ADAMTS14: variants seen among roughly 807,000 people sequenced by gnomAD.
The protein encoded by ADAMTS14 is A disintegrin and metalloproteinase with thrombospondin motifs 14.
ADAMTS14 carries 100 observed loss-of-function variants against 128.6 expected under a neutral mutation model. That is an observed-to-expected ratio of 0.78 (90% CI 0.66 to 0.92). ADAMTS14 has a LOEUF of 0.92. ADAMTS14 is among the 40% of genes least tolerant of loss of function. ADAMTS14 has a pLI of 0.00. For synonymous variants in ADAMTS14, 665 were observed against 653.8 expected (o/e 1.02, Z -0.26); for missense variants, 1,562 against 1,658.6 (o/e 0.94, Z 1.01).
chr10:70,688,338 C>T lies in ADAMTS14; in HGVS notation c.522+13343C>T, dbSNP rs1396310829. The stretch of plus-strand genomic sequence containing the variant: ...GGCTGGGAAGAGGCGCTCCTCACTT[C>T]CTAGATGGGATGGCCGCCGGGCAGA... On this transcript the variant is annotated intron_variant, in intron 2 of 21. Coordinates refer to ENST00000373207, the MANE Select transcript of ADAMTS14 (RefSeq NM_080722.4). 5.2e-5 allele frequency among the ~76,000 whole-genome samples: 5 copies of T among 96,210 alleles called. 1 individual carries two copies. The highest frequency in any genetic ancestry group is 1.1e-4 in the Admixed American group (1 of 8,902). The allele number at this position is 96,210 out of a possible 152,430, so 63.1% of individuals were successfully genotyped here. A position where few individuals can be genotyped will look rare whatever the true frequency, so the allele number is the denominator to read the frequency against.
At chr10:70,686,430 C>G (rs1359824278) in intron 2 of ADAMTS14, among the ~76,000 whole-genome samples, 2 of 110,482 alleles carry the variant, frequency 1.8e-5, no homozygotes, top group African/African-American at 6.9e-5. Flanking sequence ...GAGGACCCTG[C>G]GGCCTTCCGC....
chr10:70,714,946 CAA>C (rs58012076), intron 4 of ADAMTS14, among the ~76,000 whole-genome samples: 39 of 63,052 alleles, frequency 6.2e-4, no homozygotes, highest in South Asian at 3.1e-3. Context: ...ACTGCAGTCT[CAA>C]AAAAAAAAAA....
chr10:70,735,136 A>G (rs781154805), intron 8 of ADAMTS14, 33 bp from the exon 9 acceptor site: 1 of 1,596,960 alleles, frequency 6.3e-7, no homozygotes, highest in Non-Finnish European at 8.6e-7. Flanking sequence ...TCCTGCTGTC[A>G]GCCTGGCTCA....
chr10:70,674,958 C>T lies in ADAMTS14; in HGVS notation c.485C>T (p.Pro162Leu). ...CVYTGGVTGM[P>L]GAAVAISNCD... ...TACACTGGAGGTGTCACTGGAATGCCTGGGGCAGCTGTTGCCATCAGCAAC... is the reference window on the plus strand; with the variant it reads ...TACACTGGAGGTGTCACTGGAATGCTTGGGGCAGCTGTTGCCATCAGCAAC... Residue 162 changes from proline (P) to leucine (L), a missense_variant, in exon 2 of 22, where the codon CCT becomes CTT. By Grantham distance (98) the Pro-to-Leu change is moderately conservative. Transcript: ENST00000373207. 1 of 1,613,066 alleles carries T rather than the reference C, an allele frequency of 6.2e-7. No homozygotes were observed. The highest frequency in any genetic ancestry group is 8.5e-7 in the Non-Finnish European group (1 of 1,180,012).
chr10:70,752,027 C>T, intron 17 of ADAMTS14, 68 bp from the exon 18 acceptor site: 7 of 1,560,298 alleles, frequency 4.5e-6, no homozygotes, highest in Non-Finnish European at 6.1e-6. Context: ...GGTACTGCCC[C>T]TGAGGCCCCA....
chr10:70,672,833 C>A lies in ADAMTS14; in HGVS notation c.31C>A (p.Leu11Met). The change falls in exon 1 of 22, where the codon CTG becomes ATG. Residue 11 changes from leucine to methionine, a missense_variant. Coordinates refer to ENST00000373207, the MANE Select transcript of ADAMTS14 (RefSeq NM_080722.4). Reference sequence around the variant, plus strand: ...TCCACTCCGCGCGCTGCTGTCCTACCTGCTGCCTTTGCACTGTGCGCTCTG... The same window carrying A: ...TCCACTCCGCGCGCTGCTGTCCTACATGCTGCCTTTGCACTGTGCGCTCTG... MAPLRALLSY[L>M]LPLHCALCAA... 6.6e-7 allele frequency: 1 copy of A among 1,517,892 alleles called. No homozygotes were observed. Among genetic ancestry groups the A allele is most frequent in the African/African-American group, 1.4e-5 (1 of 69,436 alleles). 94.0% of individuals were successfully genotyped at this position (1,517,892 alleles called of 1,614,324 possible).
chr10:70,692,807 T>C (rs1391257066), intron 2 of ADAMTS14, among the ~76,000 whole-genome samples: 1 of 152,242 alleles, frequency 6.6e-6, no homozygotes, highest in Non-Finnish European at 1.5e-5. Context: ...TAAGGACTTT[T>C]CCCCTTAGGA....
Position 70,758,294 on chromosome 10 carries a change from A to C in ADAMTS14, c.3178+9A>C. The C allele has an allele frequency of 6.2e-7, 1 of 1,612,474 alleles. No homozygotes were observed. The highest frequency in any genetic ancestry group is 8.5e-7 in the Non-Finnish European group (1 of 1,178,944). On this transcript the variant is annotated intron_variant, in intron 21 of 21. Coordinates refer to ENST00000373207, the MANE Select transcript of ADAMTS14 (RefSeq NM_080722.4). ...TAACAAGATATCATCAAGTAAGTAC[A>C]GTCTATGGACCCTACCCTGCTCCCC...
intron 16 of ADAMTS14, among the ~76,000 whole-genome samples, chr10:70,750,511 A>T (rs767529042): frequency 1.5e-4 from 23 of 152,174 alleles, no homozygotes; most frequent in Admixed American, 9.8e-4. Context: ...GACCATTAGG[A>T]GTTCTGTCCA....
chr10:70,734,164 A>G lies in ADAMTS14; in HGVS notation c.1352+136A>G, dbSNP rs576150805. On this transcript the variant is annotated intron_variant, in intron 8 of 21. Coordinates refer to ENST00000373207, the MANE Select transcript of ADAMTS14 (RefSeq NM_080722.4). Reference sequence around the variant, plus strand: ...CCGTGACTCATCTCGCCTCCCCGCCAAACCTGGCCTAAAACATACCCCATT... The same window carrying G: ...CCGTGACTCATCTCGCCTCCCCGCCGAACCTGGCCTAAAACATACCCCATT... 1.6e-4 allele frequency: 190 copies of G among 1,186,456 alleles called. 1 individual carries two copies. In the South Asian group the frequency reaches 1.9e-3, roughly 12 times the overall value. The allele number at this position is 1,186,456 out of a possible 1,614,324, so 73.5% of individuals were successfully genotyped here. A position where few individuals can be genotyped will look rare whatever the true frequency, so the allele number is the denominator to read the frequency against.
At position 70,674,783 on chromosome 10, in the gene ADAMTS14, C is replaced by T. The variant is rs1459952465; in HGVS notation, c.310C>T (p.His104Tyr). 2 of 1,613,562 alleles carry T rather than the reference C, an allele frequency of 1.2e-6. No homozygotes were observed. Among genetic ancestry groups the T allele is most frequent in the Non-Finnish European group, 1.7e-6 (2 of 1,180,012 alleles). Residue 104 changes from histidine to tyrosine, a missense_variant, in exon 2 of 22, where the codon CAC becomes TAC. Transcript: ENST00000373207. The stretch of plus-strand genomic sequence containing the variant: ...CCTGTGGCCTGGCAGGGTGGGGCGC[C>T]ACTCCCTCTACTTCAATGTCACTGT... ...GTLWPGRVGR[H>Y]SLYFNVTVFG...
chr10:70,746,908 A>C (rs1842196475), intron 15 of ADAMTS14, among the ~76,000 whole-genome samples: 1 of 152,088 alleles, frequency 6.6e-6, no homozygotes, highest in Admixed American at 6.5e-5. Flanking sequence ...ACCCCTTTGC[A>C]GAGGACGTGC....
chr10:70,733,804 G>T, intron 7 of ADAMTS14, 81 bp from the exon 8 acceptor site: 1 of 1,536,034 alleles, frequency 6.5e-7, no homozygotes, highest in South Asian at 1.3e-5. Flanking sequence ...AGGGTCTCCT[G>T]CTGCTGGCCT....
At chr10:70,758,388 T>C in intron 21 of ADAMTS14, 103 bp downstream of exon 21, 1 of 1,014,584 alleles carries the variant, frequency 9.9e-7, no homozygotes, top group East Asian at 2.7e-5. Context: ...TGTAGCTGTC[T>C]GTGTGACCTT....
chr10:70,698,173 A>G (rs994107790), intron 2 of ADAMTS14, among the ~76,000 whole-genome samples: 3 of 152,222 alleles, frequency 2.0e-5, no homozygotes, highest in Non-Finnish European at 2.9e-5. Context: ...AGAATAAGAT[A>G]TAGTTGGAAA....
chr10:70,681,051 C>T (rs1483794329), intron 2 of ADAMTS14, among the ~76,000 whole-genome samples: 2 of 152,228 alleles, frequency 1.3e-5, no homozygotes, highest in Non-Finnish European at 2.9e-5. Context: ...CTGACTGGCC[C>T]TTGGCCAAGT....
rs534345421 is a variant in ADAMTS14, at chr10:70,711,373, G to A, written c.870+2595G>A. On this transcript the variant is annotated intron_variant, in intron 4 of 21. Coordinates refer to ENST00000373207, the MANE Select transcript of ADAMTS14 (RefSeq NM_080722.4). ...ACCTGGGTCACGTGCCACTCTTTGG[G>A]ATGATCACTACACGTTAGAGAGGGA... Among the ~76,000 whole-genome samples, 219 of 152,356 alleles carry A rather than the reference G, an allele frequency of 1.4e-3. 1 individual carries two copies. Among genetic ancestry groups the A allele is most frequent in the Non-Finnish European group, 2.6e-3 (177 of 68,044 alleles).
At chr10:70,701,715 A>G (rs1296312090) in intron 2 of ADAMTS14, among the ~76,000 whole-genome samples, 1 of 152,168 alleles carries the variant, frequency 6.6e-6, no homozygotes, top group Non-Finnish European at 1.5e-5. Flanking sequence ...AAAAACATGC[A>G]TTCCTGGCTC....
chr10:70,734,731 C>G (rs1397939842), intron 8 of ADAMTS14, among the ~76,000 whole-genome samples: 1 of 152,188 alleles, frequency 6.6e-6, no homozygotes, highest in Non-Finnish European at 1.5e-5. Context: ...GATATAGTCA[C>G]TAGCCCCGTA....
Sources: allele counts gnomAD v4.1 joint callset (sites outside exome capture counted in the v4.1 genomes callset), GRCh38; gene constraint gnomAD v4.1.1; transcripts MANE v1.5; gene names NCBI Gene and HGNC (gene_info 2026-07-23, HGNC 2026-07-21).